The following SLC39A9 variants were observed in gnomAD, a reference collection of about 807,000 sequenced individuals.
SLC39A9 encodes the protein solute carrier family 39 member 9.
SLC39A9 carries 14 observed loss-of-function variants against 28.4 expected under a neutral mutation model. The ratio of observed to expected loss-of-function variants is 0.49; its 90% CI spans 0.33 to 0.77. SLC39A9 has a LOEUF of 0.77. Among genes scored for constraint, SLC39A9 ranks in the 30% least tolerant of loss-of-function variants. SLC39A9 has a pLI of 0.02. For synonymous variants in SLC39A9, 119 were observed against 149.6 expected (o/e 0.80, Z 1.49); for missense variants, 283 against 381.1 (o/e 0.74, Z 2.14).
At chr14:69,438,638 G>A (rs1884896560) in intron 2 of SLC39A9, among the ~76,000 whole-genome samples, 1 of 152,206 alleles carries the variant, frequency 6.6e-6, no homozygotes, top group African/African-American at 2.4e-5. Flanking sequence ...TTCAAAGATT[G>A]TTGGGTAATG....
At position 69,459,248 on chromosome 14, in the gene SLC39A9, T is replaced by C. The variant is rs1175966346; in HGVS notation, c.*655T>C. The C allele has an allele frequency of 4.1e-6, 4 of 985,350 alleles. No individual in the cohort carries two copies. The African/African-American group carries it at 7.0e-5, about 17-fold the overall frequency. 61.0% of individuals were successfully genotyped at this position (985,350 alleles called of 1,614,324 possible). A position where few individuals can be genotyped will look rare whatever the true frequency, so the allele number is the denominator to read the frequency against. Reference sequence around the variant, plus strand: ...AAACAGCTCCTTTGGCACGTGCCTCTCTGAATCCAGCCTGCCATTCCATCA... The same window carrying C: ...AAACAGCTCCTTTGGCACGTGCCTCCCTGAATCCAGCCTGCCATTCCATCA... On this transcript the variant is annotated 3_prime_UTR_variant, in exon 7 of 7. Coordinates refer to ENST00000336643, the MANE Select transcript of SLC39A9 (RefSeq NM_018375.5).
chr14:69,432,274 T>G (rs1456526077), intron 2 of SLC39A9, among the ~76,000 whole-genome samples: 1 of 152,180 alleles, frequency 6.6e-6, no homozygotes, highest in Non-Finnish European at 1.5e-5. Context: ...TAAGATGATA[T>G]CTTATTTTGG....
At chr14:69,454,686 G>GT (rs1451680592) in intron 4 of SLC39A9, 126 bp from the exon 5 acceptor site, 6 of 632,730 alleles carry the variant, frequency 9.5e-6, no homozygotes, top group Non-Finnish European at 1.4e-5. Context: ...AGGCTGGCAT[G>GT]TAGAAAGGTT....
At chr14:69,411,450 C>G (rs1415216361) in intron 1 of SLC39A9, among the ~76,000 whole-genome samples, 1 of 152,130 alleles carries the variant, frequency 6.6e-6, no homozygotes, top group Admixed American at 6.6e-5. Flanking sequence ...CTGTGAACTT[C>G]TAAAATGAGA....
At chr14:69,404,867 T>G (rs1189892203) in intron 1 of SLC39A9, among the ~76,000 whole-genome samples, 1 of 152,240 alleles carries the variant, frequency 6.6e-6, no homozygotes, top group Non-Finnish European at 1.5e-5. Context: ...ATTAGTCCAT[T>G]CTTACACTGC....
intron 6 of SLC39A9, among the ~76,000 whole-genome samples, chr14:69,456,302 A>G (rs1885857471): frequency 1.3e-5 from 2 of 152,234 alleles, no homozygotes; most frequent in Non-Finnish European, 2.9e-5. Flanking sequence ...AAAAACTGAC[A>G]TTGATTACTG....
chr14:69,441,127 A>G (rs938678502), intron 2 of SLC39A9, among the ~76,000 whole-genome samples: 1 of 152,094 alleles, frequency 6.6e-6, no homozygotes, highest in Non-Finnish European at 1.5e-5. Flanking sequence ...AAAAATTTTC[A>G]AATTAGCTGG....
Position 69,445,039 on chromosome 14 carries a change from G to A in SLC39A9, c.403+2773G>A, listed in dbSNP as rs551931840. 4.8e-5 allele frequency among the ~76,000 whole-genome samples: 7 copies of A among 144,938 alleles called. No homozygotes were observed. In the South Asian group the frequency reaches 1.6e-3, roughly 34 times the overall value. ...ACTGATAGGGAGAGATTTCCAGGAG[G>A]TATTGTTAAATGGAAAAAAAAAAGC... On this transcript the variant is annotated intron_variant, in intron 3 of 6. Transcript: ENST00000336643.
In SLC39A9 at chr14:69,461,914, G is replaced by A; in HGVS notation, c.*3321G>A. ...AGTGAAAATCCTCTGTAGTTGTTCT[G>A]CAGAGGAACCTTCCTTCCATTAGAA... On this transcript the variant is annotated 3_prime_UTR_variant, in exon 7 of 7. Coordinates refer to ENST00000336643, the MANE Select transcript of SLC39A9 (RefSeq NM_018375.5). 1.7e-6 allele frequency: 1 copy of A among 591,386 alleles called. No homozygotes were observed. Among genetic ancestry groups the A allele is most frequent in the Non-Finnish European group, 2.8e-6 (1 of 357,720 alleles). The allele number at this position is 591,386 out of a possible 1,614,324, so 36.6% of individuals were successfully genotyped here.
chr14:69,458,313 C>A, intron 6 of SLC39A9, 50 bp from the exon 7 acceptor site: 1 of 1,599,196 alleles, frequency 6.3e-7, no homozygotes, highest in South Asian at 1.1e-5. Flanking sequence ...CTTCCTGACC[C>A]TGAATTTTAC....
At chr14:69,407,483 A>G (rs1004823347) in intron 1 of SLC39A9, among the ~76,000 whole-genome samples, 1 of 146,138 alleles carries the variant, frequency 6.8e-6, no homozygotes, top group Admixed American at 6.8e-5. Context: ...GATTACAGGC[A>G]TGCACCACCA....
chr14:69,427,500 C>G (rs957817933), intron 2 of SLC39A9, among the ~76,000 whole-genome samples: 18 of 152,142 alleles, frequency 1.2e-4, no homozygotes, highest in Non-Finnish European at 2.6e-4. Context: ...CAAGTTTTGA[C>G]AAATGCATAG....
chr14:69,428,488 T>C (rs545119163), intron 2 of SLC39A9: 1 of 152,714 alleles, frequency 6.5e-6, no homozygotes, highest in Non-Finnish European at 1.5e-5. Flanking sequence ...GCCAACCCCA[T>C]AGCCCTCTAA....
At chr14:69,428,902 T>C (rs977647669) in intron 2 of SLC39A9, 1 of 152,214 alleles carries the variant, frequency 6.6e-6, no homozygotes, top group African/African-American at 2.4e-5. Context: ...TTTTAAAAAG[T>C]TACCCAAAGT....
chr14:69,442,680 GATATAGTAATGTATGTCTT>G (rs1250956181), intron 3 of SLC39A9, among the ~76,000 whole-genome samples: 7 of 152,178 alleles, frequency 4.6e-5, no homozygotes, highest in Non-Finnish European at 8.8e-5. Flanking sequence ...ACAAATTTGT[GATATAGTAATGTATGTCTT>G]TATCAGTGCA....
At chr14:69,434,801 C>T (rs1271575163) in intron 2 of SLC39A9, among the ~76,000 whole-genome samples, 1 of 152,138 alleles carries the variant, frequency 6.6e-6, no homozygotes, top group African/African-American at 2.4e-5. Flanking sequence ...TTTCATGCAA[C>T]TTCCTCTTTT....
chr14:69,411,640 A>G (rs1348991499), intron 1 of SLC39A9, among the ~76,000 whole-genome samples: 1 of 152,220 alleles, frequency 6.6e-6, no homozygotes, highest in East Asian at 1.9e-4. Flanking sequence ...AGAACCTGTC[A>G]GCATTTTGTT....
At chr14:69,450,511 A>G (rs533071868) in intron 3 of SLC39A9, among the ~76,000 whole-genome samples, 3 of 152,280 alleles carry the variant, frequency 2.0e-5, no homozygotes, top group Admixed American at 6.5e-5. Flanking sequence ...ACAATGGTGC[A>G]CGCCTGTAAT....
chr14:69,407,095 C>T (rs932933310), intron 1 of SLC39A9, among the ~76,000 whole-genome samples: 1 of 152,002 alleles, frequency 6.6e-6, no homozygotes, highest in Non-Finnish European at 1.5e-5. Context: ...TGAGATCTGC[C>T]TGCCTCGGCC....
Sources: gnomAD v4.1 joint callset for allele counts (sites outside exome capture counted in the v4.1 genomes callset) on GRCh38, gnomAD v4.1.1 for gene constraint, MANE v1.5 for transcripts, NCBI Gene and HGNC (gene_info 2026-07-23, HGNC 2026-07-21) for gene names.